Variants in ERBIN observed in about 807,000 individuals in gnomAD.
ERBIN encodes the protein erbb2 interacting protein, also known as densin-180-like protein.
In ERBIN, 60 loss-of-function variants were observed where a neutral mutation model predicts 158.4. The ratio of observed to expected loss-of-function variants is 0.38; its 90% CI spans 0.31 to 0.47. The LOEUF (loss-of-function observed/expected upper bound fraction) is 0.47, where lower values mean the gene tolerates loss of function less well. ERBIN is among the 20% of genes least tolerant of loss of function. The pLI is 0.99. For synonymous variants in ERBIN, 594 were observed against 557.2 expected (o/e 1.07, Z -0.93); for missense variants, 1,610 against 1,648.0 (o/e 0.98, Z 0.40).
Position 66,048,688 on chromosome 5 carries a change from G to A in ERBIN, c.1810G>A (p.Asp604Asn), listed in dbSNP as rs1481862235. The change falls in exon 19 of 26, where the codon GAT becomes AAT. Residue 604 changes from aspartate (D) to asparagine (N), a missense_variant. By Grantham distance (23) the Asp-to-Asn change is conservative. This residue lies in a region of ERBIN where 596 missense variants were observed against 711.9 expected (regional missense o/e 0.84). Coordinates refer to ENST00000284037, the MANE Select transcript of ERBIN (RefSeq NM_001253697.2). ...CTAGGAATCTGAAGAACTTTCTTCT[G>A]ATGAAGAGATGAAAATGGCGGAGAT... Reference protein sequence around the residue: ...VFEESEELSSDEEMKMAEMRP... With the variant: ...VFEESEELSSNEEMKMAEMRP... 1 of 1,607,712 alleles carries A rather than the reference G, an allele frequency of 6.2e-7. No homozygotes were observed. The highest frequency in any genetic ancestry group is 1.3e-5 in the African/African-American group (1 of 74,688).
rs186046479 is a variant in ERBIN, at chr5:66,018,698, A to G, written c.534-2624A>G. On this transcript the variant is annotated intron_variant, in intron 7 of 25. Coordinates refer to ENST00000284037, the MANE Select transcript of ERBIN (RefSeq NM_001253697.2). ...GTCACCCAGGTTGGAGTGCAGTGGC[A>G]TGATCTTGGCTCACTGCAAGCTCTA... 4.8e-3 allele frequency among the ~76,000 whole-genome samples: 673 copies of G among 141,314 alleles called. 8 individuals carry two copies. The highest frequency in any genetic ancestry group is 0.014 in the African/African-American group (558 of 38,566). 92.7% of individuals were successfully genotyped at this position (141,314 alleles called of 152,430 possible).
Position 66,078,594 on chromosome 5 carries a change from T to G in ERBIN, c.*64T>G, listed in dbSNP as rs1401897839. Reference sequence around the variant, plus strand: ...TATTGGAAGATACTTACAGGGGAAATTAATATTTTGACTATTTTTATATAT... The same window carrying G: ...TATTGGAAGATACTTACAGGGGAAAGTAATATTTTGACTATTTTTATATAT... On this transcript the variant is annotated 3_prime_UTR_variant, in exon 26 of 26. Coordinates refer to ENST00000284037, the MANE Select transcript of ERBIN (RefSeq NM_001253697.2). 2 of 952,652 alleles carry G rather than the reference T, an allele frequency of 2.1e-6. No homozygotes were observed. The highest frequency in any genetic ancestry group is 3.3e-6 in the Non-Finnish European group (2 of 605,196). 59.0% of individuals were successfully genotyped at this position (952,652 alleles called of 1,614,324 possible).
intron 7 of ERBIN, among the ~76,000 whole-genome samples, chr5:66,017,510 A>G (rs921017010): frequency 2.3e-4 from 28 of 123,812 alleles, no homozygotes; most frequent in African/African-American, 8.3e-4. Flanking sequence ...GGTGCATTTT[A>G]CAATAGAATT....
At position 66,021,347 on chromosome 5, in the gene ERBIN, G is replaced by A. The variant is rs1449545142; in HGVS notation, c.559G>A (p.Glu187Lys). ...PKTMNRLTQL[E>K]RLDLGSNEFT... ...AACTATGAATAGACTGACCCAGCTG[G>A]AAAGACTGGATTTGGGAAGTAACGA... Residue 187 changes from glutamate (E) to lysine (K), a missense_variant, in exon 8 of 26, where the codon GAA becomes AAA. Around this residue, in one of 2 missense-constraint regions of ERBIN, gnomAD observed 596 missense variants for 711.9 expected, o/e 0.84. Coordinates refer to ENST00000284037, the MANE Select transcript of ERBIN (RefSeq NM_001253697.2). 5.6e-6 allele frequency: 9 copies of A among 1,604,434 alleles called. No individual in the cohort carries two copies. Among genetic ancestry groups the A allele is most frequent in the Non-Finnish European group, 6.8e-6 (8 of 1,173,584 alleles).
chr5:65,953,995 C>T (rs985376138), intron 1 of ERBIN, among the ~76,000 whole-genome samples: 2 of 152,216 alleles, frequency 1.3e-5, no homozygotes, highest in Non-Finnish European at 2.9e-5. Flanking sequence ...GGTTTCCCTA[C>T]ACTCGTTACT....
At chr5:65,929,657 TC>T (rs1561255186) in intron 1 of ERBIN, among the ~76,000 whole-genome samples, 1 of 141,428 alleles carries the variant, frequency 7.1e-6, no homozygotes, top group African/African-American at 2.6e-5. Context: ...TTTTTTTTTT[TC>T]GAGATGGAGT....
At chr5:65,966,407 A>G (rs1580186049) in intron 1 of ERBIN, among the ~76,000 whole-genome samples, 1 of 152,168 alleles carries the variant, frequency 6.6e-6, no homozygotes, top group Non-Finnish European at 1.5e-5. Flanking sequence ...TAGGCCGGGC[A>G]TGGTAGCTCA....
intron 4 of ERBIN, among the ~76,000 whole-genome samples, chr5:65,996,737 A>G (rs527605299): frequency 2.3e-4 from 35 of 152,234 alleles, no homozygotes; most frequent in Admixed American, 1.9e-3. Flanking sequence ...CGTTTTAACA[A>G]TATTGATTTT....
chr5:65,965,459 A>G (rs1026435879), intron 1 of ERBIN, among the ~76,000 whole-genome samples: 4 of 135,624 alleles, frequency 2.9e-5, no homozygotes, highest in Non-Finnish European at 4.6e-5. Flanking sequence ...GAGCTGGAGT[A>G]CAGTGGGCGA....
At chr5:66,077,983 T>C (rs1762172799) in intron 25 of ERBIN, among the ~76,000 whole-genome samples, 2 of 152,186 alleles carry the variant, frequency 1.3e-5, no homozygotes, top group Non-Finnish European at 1.5e-5. Flanking sequence ...TAATTCATAT[T>C]ACACCCTTAG....
chr5:65,940,516 T>TGGGG (rs1336518819), intron 1 of ERBIN, among the ~76,000 whole-genome samples: 2 of 42,278 alleles, frequency 4.7e-5, no homozygotes, highest in Non-Finnish European at 8.3e-5. Flanking sequence ...GGGAGGGAGG[T>TGGGG]GGGGGGGGTC....
intron 1 of ERBIN, among the ~76,000 whole-genome samples, chr5:65,940,112 T>G (rs1275259370): frequency 3.1e-5 from 4 of 130,814 alleles, no homozygotes; most frequent in South Asian, 2.6e-4. Flanking sequence ...GAGCGCCTCT[T>G]CCCGGCCGCC....
intron 21 of ERBIN, among the ~76,000 whole-genome samples, chr5:66,059,749 G>A (rs975890732): frequency 6.6e-6 from 1 of 152,106 alleles, no homozygotes; most frequent in African/African-American, 2.4e-5. Flanking sequence ...TACCATGAAG[G>A]GTTGTTGAAT....
At chr5:65,949,321 A>C (rs989325336) in intron 1 of ERBIN, among the ~76,000 whole-genome samples, 3 of 152,142 alleles carry the variant, frequency 2.0e-5, no homozygotes, top group African/African-American at 4.8e-5. Context: ...GTTACCAGTC[A>C]CATCTGTGCT....
At chr5:65,998,968 C>T (rs1358715976) in intron 4 of ERBIN, among the ~76,000 whole-genome samples, 1 of 151,394 alleles carries the variant, frequency 6.6e-6, no homozygotes, top group Admixed American at 6.6e-5. Context: ...ACACACATGG[C>T]TCCACCAGTT....
intron 1 of ERBIN, among the ~76,000 whole-genome samples, chr5:65,950,628 C>G (rs1746384240): frequency 6.6e-6 from 1 of 152,148 alleles, no homozygotes; most frequent in Non-Finnish European, 1.5e-5. Context: ...GTTAGAAGCC[C>G]AGCTCACCCT....
At chr5:66,046,661 T>G (rs1758480297) in intron 18 of ERBIN, 123 bp downstream of exon 18, 4 of 729,106 alleles carry the variant, frequency 5.5e-6, no homozygotes, top group African/African-American at 5.3e-5. Flanking sequence ...ATTGAGAAAT[T>G]TCATATCTGC....
At chr5:65,934,247 C>T (rs183710148) in intron 1 of ERBIN, among the ~76,000 whole-genome samples, 26 of 152,284 alleles carry the variant, frequency 1.7e-4, no homozygotes, top group Non-Finnish European at 3.4e-4. Context: ...GGATATTCTC[C>T]TGCATATAAT....
At chr5:66,033,565 C>T (rs962359682) in intron 14 of ERBIN, among the ~76,000 whole-genome samples, 9 of 152,058 alleles carry the variant, frequency 5.9e-5, no homozygotes, top group African/African-American at 2.2e-4. Flanking sequence ...GAAAAATATC[C>T]ATTATATTTG....
Sources: allele counts gnomAD v4.1 joint callset (sites outside exome capture counted in the v4.1 genomes callset), GRCh38; gene constraint gnomAD v4.1.1; regional missense constraint gnomAD v4.1.1; transcripts MANE v1.5; gene names NCBI Gene and HGNC (gene_info 2026-07-23, HGNC 2026-07-21).